The following FANCI variants were observed in gnomAD, a reference collection of about 807,000 sequenced individuals.
The protein encoded by FANCI is Fanconi anemia group I protein.
FANCI carries 156 observed loss-of-function variants against 176.1 expected under a neutral mutation model. The ratio of observed to expected loss-of-function variants is 0.89; its 90% CI spans 0.78 to 1.01. The LOEUF is 1.01. Ranked by LOEUF, FANCI falls within the 50% of genes least tolerant of loss-of-function variation. The probability of loss-of-function intolerance (pLI) is 0.00; values close to 1 mark genes in which losing one functional copy is unlikely to be tolerated. For synonymous variants in FANCI, 613 were observed against 541.7 expected (o/e 1.13, Z -1.83); for missense variants, 1,678 against 1,534.1 (o/e 1.09, Z -1.57).
rs573866406 is a variant in FANCI, at chr15:89,307,429, T to C, written c.3538-47T>C. On this transcript the variant is annotated intron_variant, in intron 32 of 37. Transcript: ENST00000310775. ...ATAGGCTCACTGCAGCAGTCACTTG[T>C]AGTTTCATAGGACAGTCTACTAAAT... is the stretch of plus-strand genomic sequence containing the variant. 1.1e-5 allele frequency: 17 copies of C among 1,565,876 alleles called. No homozygotes were observed. The South Asian group carries it at 1.8e-4, about 17-fold the overall frequency.
At chr15:89,271,644 G>A (rs73466699) in intron 10 of FANCI, among the ~76,000 whole-genome samples, 7,631 of 152,124 alleles carry the variant, frequency 0.05, 613 homozygotes, top group African/African-American at 0.17. Flanking sequence ...GACCGCAGGC[G>A]CACACCACCA....
intron 9 of FANCI, among the ~76,000 whole-genome samples, chr15:89,268,023 G>A (rs1237446131): frequency 1.3e-5 from 2 of 152,222 alleles, no homozygotes; most frequent in African/African-American, 4.8e-5. Flanking sequence ...GATTGTATGA[G>A]TTTAGCTTGA....
At chr15:89,296,408 T>A (rs1180239820) in intron 24 of FANCI, among the ~76,000 whole-genome samples, 1 of 117,176 alleles carries the variant, frequency 8.5e-6, no homozygotes, top group African/African-American at 3.8e-5. Flanking sequence ...GTGGCTTTTG[T>A]TTTTTCGTTT....
intron 18 of FANCI, among the ~76,000 whole-genome samples, chr15:89,285,548 G>A (rs1481530965): frequency 6.6e-6 from 1 of 152,200 alleles, no homozygotes; most frequent in Non-Finnish European, 1.5e-5. Flanking sequence ...GATCCCAGCA[G>A]TGAGGCTGCA....
chr15:89,279,961 T>C (rs1269573228), intron 14 of FANCI, among the ~76,000 whole-genome samples: 1 of 152,234 alleles, frequency 6.6e-6, no homozygotes, highest in African/African-American at 2.4e-5. Flanking sequence ...TTAGTATTCC[T>C]AAAATACCAC....
chr15:89,296,269 T>C (rs2054267182), intron 24 of FANCI, among the ~76,000 whole-genome samples: 1 of 628 alleles, frequency 1.6e-3, no homozygotes, highest in African/African-American at 0.05. Context: ...TGGCCCTTAT[T>C]TTTTTTTTTT....
intron 28 of FANCI, among the ~76,000 whole-genome samples, chr15:89,304,833 A>G (rs1194957954): frequency 2.0e-5 from 3 of 151,906 alleles, no homozygotes; most frequent in African/African-American, 4.8e-5. Context: ...CAGGAATGCA[A>G]TGGCACGGTC....
chr15:89,263,331 T>G (rs1162922439), intron 6 of FANCI, 88 bp from the exon 7 acceptor site: 1 of 1,043,178 alleles, frequency 9.6e-7, no homozygotes, highest in Non-Finnish European at 1.5e-6. Flanking sequence ...AAACTTGAAT[T>G]GGCCCTGTTT....
intron 31 of FANCI, 40 bp from the exon 32 acceptor site, chr15:89,305,967 C>T (rs757335815): frequency 9.4e-6 from 15 of 1,604,204 alleles, no homozygotes; most frequent in Middle Eastern, 1.6e-4. Flanking sequence ...AATTAGAAAA[C>T]GAAGTTGGGT....
At chr15:89,316,227 C>G in intron 37 of FANCI, 170 bp from the exon 38 acceptor site, 1 of 698,548 alleles carries the variant, frequency 1.4e-6, no homozygotes, top group Admixed American at 2.4e-5. Context: ...CTTTGGAGGA[C>G]TCCTTCCTCT....
chr15:89,284,036 C>T (rs2053724316), intron 17 of FANCI, among the ~76,000 whole-genome samples: 1 of 152,152 alleles, frequency 6.6e-6, no homozygotes, highest in Non-Finnish European at 1.5e-5. Flanking sequence ...GCTGGGATTA[C>T]AGGCGTGAAC....
chr15:89,248,523 A>T (rs951669421), intron 2 of FANCI, among the ~76,000 whole-genome samples: 1 of 151,204 alleles, frequency 6.6e-6, no homozygotes, highest in Admixed American at 6.6e-5. Flanking sequence ...TTGCTCTTTG[A>T]TTTTTTTTTC....
chr15:89,252,123 A>G (rs1346093620), intron 2 of FANCI, among the ~76,000 whole-genome samples: 2 of 152,044 alleles, frequency 1.3e-5, no homozygotes, highest in Admixed American at 6.5e-5. Flanking sequence ...AACATGGTGA[A>G]ACCCCTTCTC....
At chr15:89,288,067 C>G (rs1390939609) in intron 18 of FANCI, among the ~76,000 whole-genome samples, 1 of 152,140 alleles carries the variant, frequency 6.6e-6, no homozygotes, top group Non-Finnish European at 1.5e-5. Context: ...AGGGTTGCCA[C>G]AAACCTTTAA....
chr15:89,285,325 T>A (rs2053772228), intron 18 of FANCI, 107 bp downstream of exon 18: 1 of 1,439,100 alleles, frequency 6.9e-7, no homozygotes, highest in Non-Finnish European at 9.5e-7. Flanking sequence ...TCTTACTTGA[T>A]GTAGTCAGCA....
At chr15:89,283,930 T>A (rs2053719042) in intron 17 of FANCI, among the ~76,000 whole-genome samples, 1 of 151,882 alleles carries the variant, frequency 6.6e-6, no homozygotes, top group Non-Finnish European at 1.5e-5. Flanking sequence ...GCCTGGCTAA[T>A]TTTTTGTATT....
In FANCI at chr15:89,273,483, A is replaced by G; in HGVS notation, c.975+14A>G. ...TTTCAGGACCAGGTATTTTTTTAAAATGCCATTTTGTTTCTTTCTGTAGTT... is the reference window on the plus strand; with the variant it reads ...TTTCAGGACCAGGTATTTTTTTAAAGTGCCATTTTGTTTCTTTCTGTAGTT... On this transcript the variant is annotated intron_variant, in intron 11 of 37. Coordinates refer to ENST00000310775, the MANE Select transcript of FANCI (RefSeq NM_001113378.2). 2 of 1,357,922 alleles carry G rather than the reference A, an allele frequency of 1.5e-6. No individual in the cohort carries two copies. The highest frequency in any genetic ancestry group is 1.2e-5 in the South Asian group (1 of 83,530). The allele number at this position is 1,357,922 out of a possible 1,614,324, so 84.1% of individuals were successfully genotyped here.
Position 89,265,711 on chromosome 15 carries a change from G to A in FANCI, c.755+1104G>A, listed in dbSNP as rs1035315837. Among the ~76,000 whole-genome samples the A allele has an allele frequency of 4.0e-5, 6 of 151,144 alleles. No individual in the cohort carries two copies. In the East Asian group the frequency reaches 5.9e-4, roughly 15 times the overall value. The stretch of plus-strand genomic sequence containing the variant: ...GCTAACTTTTTGTATTTTTAGTAGC[G>A]ATGGGGTTTCACCATGTTGGCCAGG... On this transcript the variant is annotated intron_variant, in intron 9 of 37. Transcript: ENST00000310775.
intron 35 of FANCI, among the ~76,000 whole-genome samples, chr15:89,313,893 T>A (rs1317536713): frequency 7.7e-6 from 1 of 129,176 alleles, no homozygotes; most frequent in Admixed American, 8.3e-5. Context: ...TCCTCATGGG[T>A]TAAAAATACA....
Sources: gnomAD v4.1 joint callset for allele counts (sites outside exome capture counted in the v4.1 genomes callset) on GRCh38, gnomAD v4.1.1 for gene constraint, MANE v1.5 for transcripts, NCBI Gene and HGNC (gene_info 2026-07-23, HGNC 2026-07-21) for gene names.